The following RABGAP1L variants were observed in gnomAD, a reference collection of about 807,000 sequenced individuals.
RABGAP1L encodes the protein rab GTPase-activating protein 1-like.
A neutral mutation model predicts 137.7 loss-of-function variants in RABGAP1L; 63 were observed. That is an observed-to-expected ratio of 0.46 (90% confidence interval 0.37 to 0.56). RABGAP1L has a LOEUF of 0.56. Ranked by LOEUF, RABGAP1L falls within the 20% of genes least tolerant of loss-of-function variation. The pLI, the probability that RABGAP1L is intolerant of heterozygous loss-of-function variation, is 0.00. For missense variants in RABGAP1L, 1,095 were observed against 1,244.0 expected, an observed-to-expected ratio of 0.88 and a Z score of 1.80; for synonymous variants, 431 against 433.7, an observed-to-expected ratio of 0.99 and a Z score of 0.08.
intron 13 of RABGAP1L, among the ~76,000 whole-genome samples, chr1:174,399,361 AAGTGCCTGCATATT>A (rs1648271616): frequency 6.6e-6 from 1 of 152,100 alleles, no homozygotes; most frequent in Non-Finnish European, 1.5e-5. Context: ...TTTCTGTAAG[AAGTGCCTGCATATT>A]TGGCACTTGT....
At chr1:174,317,928 C>G (rs182162810) in intron 11 of RABGAP1L, among the ~76,000 whole-genome samples, 21 of 152,246 alleles carry the variant, frequency 1.4e-4, no homozygotes, top group Admixed American at 4.6e-4. Context: ...CAGGACAGCA[C>G]TAAGTTCAGT....
intron 14 of RABGAP1L, among the ~76,000 whole-genome samples, chr1:174,649,289 A>G (rs983969245): frequency 2.0e-5 from 3 of 151,980 alleles, no homozygotes; most frequent in African/African-American, 7.3e-5. Context: ...CAGCATTTTC[A>G]TAGTGTTGAT....
chr1:174,214,080 T>C (rs970266578), intron 1 of RABGAP1L, among the ~76,000 whole-genome samples: 1 of 152,220 alleles, frequency 6.6e-6, no homozygotes, highest in Non-Finnish European at 1.5e-5. Flanking sequence ...TATGGTCTTA[T>C]ATTTGGAAAA....
At chr1:174,820,662 G>A (rs148202812) in intron 19 of RABGAP1L, among the ~76,000 whole-genome samples, 149 of 152,238 alleles carry the variant, frequency 9.8e-4, no homozygotes, top group South Asian at 5.0e-3. Context: ...CTTATTGGGG[G>A]TTACCCAAGA....
chr1:174,549,599 G>T (rs775113354), intron 13 of RABGAP1L, among the ~76,000 whole-genome samples: 1 of 152,170 alleles, frequency 6.6e-6, no homozygotes, highest in Non-Finnish European at 1.5e-5. Context: ...TAGCTCTTGA[G>T]ATCTCAAGAA....
chr1:174,850,757 C>T (rs1323778335), intron 19 of RABGAP1L, among the ~76,000 whole-genome samples: 1 of 152,132 alleles, frequency 6.6e-6, no homozygotes. Flanking sequence ...GAAATTCAAG[C>T]CTACATTATC....
Position 174,275,874 on chromosome 1 carries a change from C to T in RABGAP1L, c.1095C>T (p.Ile365=). Residue 365 remains isoleucine, a synonymous_variant, in exon 9 of 26, where the codon ATC becomes ATT. Transcript: ENST00000681986. ...GKSYDGRAYV[I]TGMWNPNAPV... is the part of the protein sequence containing the mutation. ...GCTATGATGGGAGAGCTTATGTCAT[C>T]ACTGGCATGTGGAACCCCAATGCAC... The T allele has an allele frequency of 6.2e-7, 1 of 1,612,996 alleles. No individual in the cohort carries two copies. Among genetic ancestry groups the T allele is most frequent in the Non-Finnish European group, 8.5e-7 (1 of 1,179,356 alleles).
chr1:174,494,188 G>A (rs1376723677), intron 13 of RABGAP1L, among the ~76,000 whole-genome samples: 1 of 152,202 alleles, frequency 6.6e-6, no homozygotes, highest in Non-Finnish European at 1.5e-5. Context: ...GTTTATGTCT[G>A]TTGATGGGCT....
intron 11 of RABGAP1L, among the ~76,000 whole-genome samples, chr1:174,345,326 A>G (rs558033915): frequency 6.6e-6 from 1 of 152,250 alleles, no homozygotes; most frequent in African/African-American, 2.4e-5. Context: ...TCTGTGAAGT[A>G]TGTCATTGGT....
chr1:174,578,216 A>T (rs1055289831), intron 13 of RABGAP1L, among the ~76,000 whole-genome samples: 1 of 152,114 alleles, frequency 6.6e-6, no homozygotes, highest in African/African-American at 2.4e-5. Flanking sequence ...AGACAGTCTC[A>T]CTCTGACACC....
At chr1:174,213,403 C>G (rs900382170) in intron 1 of RABGAP1L, among the ~76,000 whole-genome samples, 1 of 151,984 alleles carries the variant, frequency 6.6e-6, no homozygotes, top group Admixed American at 6.6e-5. Context: ...CCAGCCTGAG[C>G]GACAGAGTGA....
intron 11 of RABGAP1L, among the ~76,000 whole-genome samples, chr1:174,317,688 C>T (rs1679516334): frequency 6.6e-6 from 1 of 152,180 alleles, no homozygotes; most frequent in South Asian, 2.1e-4. Flanking sequence ...TCCACTGTCT[C>T]TGGGCCTAGT....
chr1:174,628,751 G>A (rs979569261), intron 13 of RABGAP1L, among the ~76,000 whole-genome samples: 1 of 152,146 alleles, frequency 6.6e-6, no homozygotes. Flanking sequence ...AAGTTGTGGA[G>A]CAATTTATGC....
intron 13 of RABGAP1L, among the ~76,000 whole-genome samples, chr1:174,576,252 G>C (rs1300372209): frequency 6.6e-6 from 1 of 152,114 alleles, no homozygotes; most frequent in East Asian, 1.9e-4. Context: ...AAGAGCCATG[G>C]CAAGATGAGG....
At chr1:174,846,000 T>C (rs1365571473) in intron 19 of RABGAP1L, among the ~76,000 whole-genome samples, 1 of 146,002 alleles carries the variant, frequency 6.8e-6, no homozygotes, top group Non-Finnish European at 1.5e-5. Flanking sequence ...CTAGATTTTC[T>C]AGTTTATTTG....
At chr1:174,224,332 G>A (rs530571067) in intron 3 of RABGAP1L, among the ~76,000 whole-genome samples, 14 of 152,130 alleles carry the variant, frequency 9.2e-5, no homozygotes, top group African/African-American at 2.4e-4. Flanking sequence ...AAAATTAGCC[G>A]GGCATGGTGG....
intron 14 of RABGAP1L, among the ~76,000 whole-genome samples, chr1:174,659,749 T>A (rs1161214562): frequency 6.6e-6 from 1 of 152,196 alleles, no homozygotes; most frequent in Non-Finnish European, 1.5e-5. Context: ...CTAACAGATA[T>A]CTCAAATACA....
At chr1:174,534,976 T>C (rs1307827139) in intron 13 of RABGAP1L, among the ~76,000 whole-genome samples, 2 of 152,088 alleles carry the variant, frequency 1.3e-5, no homozygotes, top group Admixed American at 6.6e-5. Flanking sequence ...CAGTGTGGTT[T>C]GATTCATTGA....
At chr1:174,892,261 C>G (rs1397717936) in intron 19 of RABGAP1L, among the ~76,000 whole-genome samples, 1 of 152,216 alleles carries the variant, frequency 6.6e-6, no homozygotes. Context: ...CGAACTCAGC[C>G]CGGGACACAG....
Sources: gnomAD v4.1 joint callset for allele counts (sites outside exome capture counted in the v4.1 genomes callset) on GRCh38, gnomAD v4.1.1 for gene constraint, MANE v1.5 for transcripts, NCBI Gene and HGNC (gene_info 2026-07-23, HGNC 2026-07-21) for gene names.